The following SNTG1 variants were observed in gnomAD, a reference collection of about 807,000 sequenced individuals.
SNTG1 encodes the protein syntrophin gamma 1, also known as gamma-1-syntrophin.
SNTG1 carries 39 observed loss-of-function variants against 74.7 expected under a neutral mutation model. The observed-to-expected ratio is 0.52, with a 90% confidence interval of 0.40 to 0.68. The LOEUF (loss-of-function observed/expected upper bound fraction) is 0.68. SNTG1 is among the 30% of genes least tolerant of loss of function. The pLI, the probability that SNTG1 is intolerant of heterozygous loss-of-function variation, is 0.00. For missense variants in SNTG1, 685 were observed against 609.5 expected (o/e 1.12, Z -1.30); for synonymous variants, 254 against 217.1 (o/e 1.17, Z -1.49).
intron 1 of SNTG1, among the ~76,000 whole-genome samples, chr8:49,985,583 A>T (rs1003765122): frequency 6.6e-6 from 1 of 152,198 alleles, no homozygotes; most frequent in African/African-American, 2.4e-5. Flanking sequence ...TATCATTACA[A>T]TATGAGGGGT....
chr8:50,023,062 A>C (rs920227442), intron 1 of SNTG1, among the ~76,000 whole-genome samples: 8 of 152,200 alleles, frequency 5.3e-5, no homozygotes, highest in African/African-American at 1.9e-4. Flanking sequence ...CAGTCTGAGA[A>C]ATCCGGTCCC....
chr8:49,938,643 C>CTTTCTTTG (rs1563371305), intron 1 of SNTG1, among the ~76,000 whole-genome samples: 34 of 106,332 alleles, frequency 3.2e-4, no homozygotes, highest in African/African-American at 1.2e-3. Context: ...TTCTTTCTTT[C>CTTTCTTTG]CTTCCTCTCT....
At chr8:50,367,285 CT>C (rs2092141142) in intron 2 of SNTG1, among the ~76,000 whole-genome samples, 1 of 151,724 alleles carries the variant, frequency 6.6e-6, no homozygotes, top group African/African-American at 2.4e-5. Context: ...ACCAAGAAGT[CT>C]ACCAAAGTCT....
chr8:50,580,654 G>A (rs997422815), intron 12 of SNTG1, among the ~76,000 whole-genome samples: 2 of 152,114 alleles, frequency 1.3e-5, no homozygotes, highest in African/African-American at 4.8e-5. Context: ...TCCCTCTTTT[G>A]CTTGGCACTT....
At chr8:50,003,601 T>G (rs564157403) in intron 1 of SNTG1, among the ~76,000 whole-genome samples, 7 of 152,186 alleles carry the variant, frequency 4.6e-5, no homozygotes, top group Non-Finnish European at 1.0e-4. Context: ...AAGATTACAG[T>G]GCGAAATTTA....
intron 2 of SNTG1, among the ~76,000 whole-genome samples, chr8:50,388,317 C>A (rs910843430): frequency 1.3e-5 from 2 of 152,106 alleles, no homozygotes; most frequent in South Asian, 2.1e-4. Context: ...TCACTGAGAA[C>A]CTTGCCTTAT....
At chr8:49,978,644 G>A (rs1188994925) in intron 1 of SNTG1, among the ~76,000 whole-genome samples, 1 of 151,914 alleles carries the variant, frequency 6.6e-6, no homozygotes, top group Non-Finnish European at 1.5e-5. Flanking sequence ...AGAAGTATGA[G>A]GACATCACTT....
At chr8:50,238,729 T>C (rs914820097) in intron 2 of SNTG1, among the ~76,000 whole-genome samples, 3 of 152,068 alleles carry the variant, frequency 2.0e-5, no homozygotes, top group Non-Finnish European at 4.4e-5. Context: ...AAAAACATAT[T>C]TGCAAAGTAT....
At chr8:50,103,097 A>G (rs2080212797) in intron 1 of SNTG1, among the ~76,000 whole-genome samples, 1 of 152,090 alleles carries the variant, frequency 6.6e-6, no homozygotes, top group Non-Finnish European at 1.5e-5. Flanking sequence ...TTCTGTGAAG[A>G]AAGTCATTGG....
rs1465163319 is a variant in SNTG1, at chr8:50,449,026, GT to G, written c.220-641del. ...CTGGGCAACAGAGCGAGTCTCCTCC[GT>G]CTCAAAAAATAAAATAAATAAATAC... On this transcript the variant is annotated intron_variant, in intron 5 of 18. Transcript: ENST00000642720. Among the ~76,000 whole-genome samples the G allele has an allele frequency of 1.3e-3, 200 of 151,894 alleles. 1 individual carries two copies. Among genetic ancestry groups the G allele is most frequent in the African/African-American group, 4.6e-3 (192 of 41,444 alleles).
intron 2 of SNTG1, among the ~76,000 whole-genome samples, chr8:50,368,715 A>G (rs1316724791): frequency 6.6e-6 from 1 of 152,170 alleles, no homozygotes; most frequent in East Asian, 1.9e-4. Context: ...GCTGTTAACC[A>G]AATGGTTGGG....
intron 13 of SNTG1, among the ~76,000 whole-genome samples, chr8:50,651,615 G>C (rs2095147085): frequency 6.6e-6 from 1 of 150,822 alleles, no homozygotes; most frequent in Non-Finnish European, 1.5e-5. Context: ...GTACCACCAA[G>C]CCCAACTAAT....
chr8:49,985,155 G>A (rs1585772744), intron 1 of SNTG1, among the ~76,000 whole-genome samples: 1 of 152,048 alleles, frequency 6.6e-6, no homozygotes, highest in South Asian at 2.1e-4. Context: ...CAGCCACAAT[G>A]TTTTTTTGTT....
Position 50,590,932 on chromosome 8 carries a change from T to G in SNTG1, c.849+15T>G. The stretch of plus-strand genomic sequence containing the variant: ...TAAACCAGCAGGTAAGATCAAAGCA[T>G]ACTTGGAAAGCTAAATAATATATTT... On this transcript the variant is annotated intron_variant, in intron 13 of 18. Coordinates refer to ENST00000642720, the MANE Select transcript of SNTG1 (RefSeq NM_018967.5). 6.5e-7 allele frequency: 1 copy of G among 1,541,738 alleles called. No individual in the cohort carries two copies. Among genetic ancestry groups the G allele is most frequent in the Non-Finnish European group, 8.8e-7 (1 of 1,138,568 alleles).
At chr8:50,386,839 G>A (rs139272207) in intron 2 of SNTG1, among the ~76,000 whole-genome samples, 12 of 152,070 alleles carry the variant, frequency 7.9e-5, no homozygotes, top group African/African-American at 2.9e-4. Context: ...CTCTCCACCG[G>A]GCCCACCTTC....
At chr8:50,724,781 C>A (rs1309197690) in intron 17 of SNTG1, among the ~76,000 whole-genome samples, 1 of 152,044 alleles carries the variant, frequency 6.6e-6, no homozygotes, top group Admixed American at 6.6e-5. Context: ...TGCATATATT[C>A]ATATTATCAG....
At chr8:50,769,407 C>A (rs911294061) in intron 18 of SNTG1, among the ~76,000 whole-genome samples, 1 of 151,968 alleles carries the variant, frequency 6.6e-6, no homozygotes, top group East Asian at 1.9e-4. Flanking sequence ...AAGTTGAAGA[C>A]CTTCTGGAAG....
rs138153989 is a variant in SNTG1, at chr8:50,032,567, G to A, written c.-103+120336G>A. Among the ~76,000 whole-genome samples the A allele has an allele frequency of 5.8e-3, 879 of 152,170 alleles. 5 individuals are homozygous for A. The highest frequency in any genetic ancestry group is 0.014 in the Middle Eastern group (4 of 294). ...TGTTTTTGTTTGTCTGCACCCGTAGGCATTTCCAAGTCACTGACTTCTCCA... is the reference window on the plus strand; with the variant it reads ...TGTTTTTGTTTGTCTGCACCCGTAGACATTTCCAAGTCACTGACTTCTCCA... On this transcript the variant is annotated intron_variant, in intron 1 of 18. Coordinates refer to ENST00000642720, the MANE Select transcript of SNTG1 (RefSeq NM_018967.5).
intron 1 of SNTG1, among the ~76,000 whole-genome samples, chr8:50,022,967 A>G (rs1444682732): frequency 6.6e-6 from 1 of 152,214 alleles, no homozygotes; most frequent in Admixed American, 6.5e-5. Context: ...GTGGCAAACA[A>G]ACAAAAACAA....
Sources: gnomAD v4.1 joint callset for allele counts (sites outside exome capture counted in the v4.1 genomes callset) on GRCh38, gnomAD v4.1.1 for gene constraint, MANE v1.5 for transcripts, NCBI Gene and HGNC (gene_info 2026-07-23, HGNC 2026-07-21) for gene names.